DUSP8: variants seen among roughly 807,000 people sequenced by gnomAD.
DUSP8 encodes dual specificity protein phosphatase 8.
DUSP8 carries 15 observed loss-of-function variants against 38.7 expected under a neutral mutation model. The ratio of observed to expected loss-of-function variants is 0.39; its 90% CI spans 0.26 to 0.60. The LOEUF (loss-of-function observed/expected upper bound fraction) is 0.60. Among genes scored for constraint, DUSP8 ranks in the 20% least tolerant of loss-of-function variants. The pLI, the probability that DUSP8 is intolerant of heterozygous loss-of-function variation, is 0.56. For synonymous variants in DUSP8, 458 were observed against 433.9 expected, an observed-to-expected ratio of 1.06 and a Z score of -0.69; for missense variants, 768 against 915.0, an observed-to-expected ratio of 0.84 and a Z score of 2.07.
chr11:1,559,524 A>G (rs1253028586), intron 3 of DUSP8: 1 of 155,078 alleles, frequency 6.4e-6, no homozygotes, highest in Non-Finnish European at 1.4e-5. Flanking sequence ...CCTCCCCTGC[A>G]CTGATGCAAT....
chr11:1,565,897 G>A lies in DUSP8; in HGVS notation c.-71C>T. 7.5e-7 allele frequency: 1 copy of A among 1,325,972 alleles called. No individual in the cohort carries two copies. The highest frequency in any genetic ancestry group is 1.1e-6 in the Non-Finnish European group (1 of 930,494). 82.1% of individuals were successfully genotyped at this position (1,325,972 alleles called of 1,614,324 possible). A position where few individuals can be genotyped will look rare whatever the true frequency, so the allele number is the denominator to read the frequency against. Reference sequence around the variant, plus strand: ...GGGCTGCTCCGACGGCCCAGGTGTGGCCTCGCGCTGGGAGTGACCTAGCAC... The same window carrying A: ...GGGCTGCTCCGACGGCCCAGGTGTGACCTCGCGCTGGGAGTGACCTAGCAC... On this transcript the variant is annotated 5_prime_UTR_variant, in exon 2 of 7. Transcript: ENST00000397374.
Position 1,559,061 on chromosome 11 carries a change from G to A in DUSP8, c.371-6C>T. The A allele has an allele frequency of 1.2e-6, 2 of 1,608,418 alleles. No individual in the cohort carries two copies. The highest frequency in any genetic ancestry group is 1.7e-6 in the Non-Finnish European group (2 of 1,178,998). On this transcript the variant is annotated splice_polypyrimidine_tract_variant and splice_region_variant and intron_variant, in intron 3 of 6. Coordinates refer to ENST00000397374, the MANE Select transcript of DUSP8 (RefSeq NM_004420.3). ...GGAGAAGGTGGCGAAGCCCCCTGTA[G>A]GAGGAGGGCCGTCAAGTGGGTTGAG...
chr11:1,558,302 G>A lies in DUSP8; in HGVS notation c.538-31C>T. 1 of 1,467,922 alleles carries A rather than the reference G, an allele frequency of 6.8e-7. No individual in the cohort carries two copies. 90.9% of individuals were successfully genotyped at this position (1,467,922 alleles called of 1,614,324 possible). On this transcript the variant is annotated intron_variant, in intron 4 of 6. Coordinates refer to ENST00000397374, the MANE Select transcript of DUSP8 (RefSeq NM_004420.3). The surrounding 1 kb of genome is among the most constrained non-coding windows in gnomAD (Gnocchi z 6.3). Reference sequence around the variant, plus strand: ...GGGGCGGGAGGGCGGGTTGGAAAGGGGTGGGAGAAGCTCGGGGCGGGAGTG... The same window carrying A: ...GGGGCGGGAGGGCGGGTTGGAAAGGAGTGGGAGAAGCTCGGGGCGGGAGTG...
In DUSP8 at chr11:1,565,661, T is replaced by G. The variant is rs1848790426; in HGVS notation, c.166A>C (p.Lys56Gln). ...ACCTTGCCCTGCTGCAGCCGCCGCT[T>G]CACCAGCTTGGAGCAGCAGATGTTG... Reference protein sequence around the residue: ...SVNICCSKLVKRRLQQGKVTI... With the variant: ...SVNICCSKLVQRRLQQGKVTI... The change falls in exon 2 of 7, where the codon AAG becomes CAG. Residue 56 changes from lysine (K) to glutamine (Q), a missense_variant. Lys to Gln is a moderately conservative substitution (Grantham distance 53). Around this residue, in one of 3 missense-constraint regions of DUSP8, gnomAD observed 252 missense variants for 410.4 expected, o/e 0.61. Coordinates refer to ENST00000397374, the MANE Select transcript of DUSP8 (RefSeq NM_004420.3). 1 of 1,611,518 alleles carries G rather than the reference T, an allele frequency of 6.2e-7. No individual in the cohort carries two copies.
intron 3 of DUSP8, among the ~76,000 whole-genome samples, chr11:1,560,960 G>A (rs1418288481): frequency 2.0e-5 from 3 of 152,136 alleles, no homozygotes; most frequent in African/African-American, 4.8e-5. Context: ...GCAGAGAACC[G>A]ACAGCTATGT....
intron 3 of DUSP8, 166 bp from the exon 4 acceptor site, chr11:1,559,221 T>C: frequency 1.6e-6 from 1 of 612,572 alleles, no homozygotes; most frequent in Non-Finnish European, 2.6e-6. Context: ...GAGCACCTGC[T>C]CTGCCCGCGG....
intron 3 of DUSP8, among the ~76,000 whole-genome samples, chr11:1,561,917 C>T (rs574227227): frequency 1.1e-3 from 163 of 152,346 alleles, no homozygotes; most frequent in Admixed American, 4.3e-3. Context: ...GGGCAGAGCC[C>T]GTGGGCCTGC....
chr11:1,558,027 T>C lies in DUSP8; in HGVS notation c.697+85A>G, dbSNP rs1848662896. 1 of 1,610,860 alleles carries C rather than the reference T, an allele frequency of 6.2e-7. No individual in the cohort carries two copies. The highest frequency in any genetic ancestry group is 8.5e-7 in the Non-Finnish European group (1 of 1,178,598). On this transcript the variant is annotated intron_variant, in intron 5 of 6. Transcript: ENST00000397374. This position sits in a 1 kb window ranked among gnomAD's most constrained non-coding sequence, Gnocchi z 6.3. ...ACTGCCAACAGTTCCGGCTACTTCC[T>C]GGGGACCCCTCCTGTGTCTGTGGCC... is the stretch of plus-strand genomic sequence containing the variant.
Position 1,562,553 on chromosome 11 carries a change from G to A in DUSP8, c.370+1298C>T, listed in dbSNP as rs904980630. Among the ~76,000 whole-genome samples the A allele has an allele frequency of 1.3e-5, 2 of 152,070 alleles. 1 individual carries two copies. The highest frequency in any genetic ancestry group is 2.9e-5 in the Non-Finnish European group (2 of 68,014). The stretch of plus-strand genomic sequence containing the variant: ...ATCTCACCCAGACAAGCACAGGCGG[G>A]TACATACACAAATATACCTCCATGT... On this transcript the variant is annotated intron_variant, in intron 3 of 6. Transcript: ENST00000397374.
intron 3 of DUSP8, among the ~76,000 whole-genome samples, chr11:1,563,078 C>G (rs1848747247): frequency 6.6e-6 from 1 of 152,154 alleles, no homozygotes; most frequent in African/African-American, 2.4e-5. Context: ...ACCGTGCCTG[C>G]ACCCCACAGT....
At chr11:1,572,493 G>A (rs1848923341), upstream of DUSP8, among the ~76,000 whole-genome samples, 1 of 150,254 alleles carries the variant, frequency 6.7e-6, no homozygotes, top group South Asian at 2.1e-4. This position sits in a 1 kb window ranked among gnomAD's most constrained non-coding sequence, Gnocchi z 4.7. Flanking sequence ...CCCTCACCCC[G>A]GGACCGGCTC....
At chr11:1,567,304 C>A (rs1685101385) in intron 1 of DUSP8, among the ~76,000 whole-genome samples, 1 of 152,348 alleles carries the variant, frequency 6.6e-6, no homozygotes, top group African/African-American at 2.4e-5. Context: ...ACAGGAGGCA[C>A]TGGGGGGAGG....
intron 3 of DUSP8, 45 bp downstream of exon 3, chr11:1,563,806 G>A (rs1184937281): frequency 6.9e-7 from 1 of 1,439,728 alleles, no homozygotes; most frequent in Non-Finnish European, 9.2e-7. Flanking sequence ...CAGCCCCACT[G>A]CTGGCGGAGC....
In DUSP8 at chr11:1,554,604, C is replaced by G. The variant is rs1241157223; in HGVS notation, c.*1914G>C. 1.9e-5 allele frequency: 19 copies of G among 985,160 alleles called. No homozygotes were observed. Among genetic ancestry groups the G allele is most frequent in the Non-Finnish European group, 2.3e-5 (19 of 827,732 alleles). 61.0% of individuals were successfully genotyped at this position (985,160 alleles called of 1,614,324 possible). The stretch of plus-strand genomic sequence containing the variant: ...AGAGACAGACTGAGACAGACAGCCC[C>G]CCTCAACGGCCTGCAGAAGGGACAA... On this transcript the variant is annotated 3_prime_UTR_variant, in exon 7 of 7. Transcript: ENST00000397374.
At chr11:1,562,810 A>C (rs1848743573) in intron 3 of DUSP8, among the ~76,000 whole-genome samples, 1 of 152,170 alleles carries the variant, frequency 6.6e-6, no homozygotes, top group Non-Finnish European at 1.5e-5. Flanking sequence ...ATGGCCACCC[A>C]GCAGTGCAGG....
chr11:1,557,404 C>T lies in DUSP8; in HGVS notation c.992G>A (p.Arg331Gln), dbSNP rs1399464915. 1.8e-5 allele frequency: 28 copies of T among 1,568,952 alleles called. No individual in the cohort carries two copies. Among genetic ancestry groups the T allele is most frequent in the Non-Finnish European group, 2.3e-5 (27 of 1,169,192 alleles). Residue 331 changes from arginine (R) to glutamine (Q), a missense_variant, in exon 7 of 7, where the codon CGG becomes CAG. By Grantham distance (43) the Arg-to-Gln change is conservative. Around this residue, in one of 3 missense-constraint regions of DUSP8, gnomAD observed 474 missense variants for 430.8 expected, o/e 1.10. Transcript: ENST00000397374. This position sits in a 1 kb window ranked among gnomAD's most constrained non-coding sequence, Gnocchi z 9.9. ...PSPAAGAPLP[R>Q]LPPPTSESAA... ...GCTCTCTGAGGTAGGTGGTGGCAGC[C>T]GTGGCAGCGGGGCCCCGGCGGCAGG...
In DUSP8 at chr11:1,565,839, G is replaced by T. The variant is rs747677606; in HGVS notation, c.-13C>A. 1.9e-6 allele frequency: 3 copies of T among 1,598,818 alleles called. No individual in the cohort carries two copies. The South Asian group carries it at 3.3e-5, about 18-fold the overall frequency. On this transcript the variant is annotated 5_prime_UTR_variant, in exon 2 of 7. Coordinates refer to ENST00000397374, the MANE Select transcript of DUSP8 (RefSeq NM_004420.3). ...GGTCCCCAGCCATGGTGGGGCAATG[G>T]GTGCTGGGGAGGGTGACCCCTGAAG...
chr11:1,572,289 G>A (rs936918831), upstream of DUSP8, among the ~76,000 whole-genome samples: 6 of 149,482 alleles, frequency 4.0e-5, no homozygotes, highest in African/African-American at 1.5e-4. This position sits in a 1 kb window ranked among gnomAD's most constrained non-coding sequence, Gnocchi z 4.7. Flanking sequence ...CCGGGGCGGA[G>A]GGCGGGGCCG....
rs762548136 is a variant in DUSP8 at position 1,565,658 on chromosome 11, G to A, written c.169C>T (p.Arg57Trp). Reference protein sequence around the residue: ...VNICCSKLVKRRLQQGKVTIA... With the variant: ...VNICCSKLVKWRLQQGKVTIA... ...GTCACCTTGCCCTGCTGCAGCCGCCGCTTCACCAGCTTGGAGCAGCAGATG... is the reference window on the plus strand; with the variant it reads ...GTCACCTTGCCCTGCTGCAGCCGCCACTTCACCAGCTTGGAGCAGCAGATG... The change falls in exon 2 of 7, where the codon CGG becomes TGG. Residue 57 changes from arginine to tryptophan, a missense_variant. By Grantham distance (101) the Arg-to-Trp change is moderately radical. Around this residue, in one of 3 missense-constraint regions of DUSP8, gnomAD observed 252 missense variants for 410.4 expected, o/e 0.61. Coordinates refer to ENST00000397374, the MANE Select transcript of DUSP8 (RefSeq NM_004420.3). 4 of 1,611,402 alleles carry A rather than the reference G, an allele frequency of 2.5e-6. No homozygotes were observed. Among genetic ancestry groups the A allele is most frequent in the East Asian group, 2.2e-5 (1 of 44,850 alleles).
Sources: allele counts gnomAD v4.1 joint callset (sites outside exome capture counted in the v4.1 genomes callset), GRCh38; gene constraint gnomAD v4.1.1; regional missense constraint gnomAD v4.1.1; non-coding constraint Gnocchi (gnomAD v3.1); transcripts MANE v1.5; gene names NCBI Gene and HGNC (gene_info 2026-07-23, HGNC 2026-07-21).